Variants in MEF2B observed in about 807,000 individuals in gnomAD.
The protein encoded by MEF2B is myocyte enhancer factor 2B.
In MEF2B, 15 loss-of-function variants were observed where a neutral mutation model predicts 32.2. The observed-to-expected ratio is 0.47, with a 90% CI of 0.31 to 0.72. The LOEUF is 0.72. Ranked by LOEUF, MEF2B falls within the 30% of genes least tolerant of loss-of-function variation. The probability of loss-of-function intolerance (pLI) is 0.05; values close to 1 mark genes in which losing one functional copy is unlikely to be tolerated. For synonymous variants in MEF2B, 205 were observed against 225.6 expected (o/e 0.91, Z 0.82); for missense variants, 441 against 511.5 (o/e 0.86, Z 1.33).
chr19:19,168,688 G>A (rs1337007846), intron 1 of MEF2B, among the ~76,000 whole-genome samples: 7 of 151,584 alleles, frequency 4.6e-5, no homozygotes, highest in Admixed American at 3.3e-4. Context: ...CGAACTCCTC[G>A]GATCAAGTGA....
rs2060026036 is a variant in MEF2B, at chr19:19,146,335, G to T, written c.819C>A (p.Pro273=). 4.1e-6 allele frequency: 5 copies of T among 1,232,090 alleles called. No homozygotes were observed. The highest frequency in any genetic ancestry group is 5.3e-6 in the Non-Finnish European group (5 of 937,924). 76.3% of individuals were successfully genotyped at this position (1,232,090 alleles called of 1,614,324 possible). A position where few individuals can be genotyped will look rare whatever the true frequency, so the allele number is the denominator to read the frequency against. Residue 273 remains proline (P), a synonymous_variant, in exon 8 of 9, where the codon CCC becomes CCA. Coordinates refer to ENST00000424583, the MANE Select transcript of MEF2B (RefSeq NM_001145785.2). ...TCGAGGGCTGCCAGGGGGCCAGGGT[G>T]GGGGGCTGCAACAAGCCAGGGGGCG... The part of the protein sequence containing the change: ...PPPPPGLLQP[P]TLAPWQPSRG...
At position 19,146,795 on chromosome 19, in the gene MEF2B, T is replaced by G. The variant is rs1396181369; in HGVS notation, c.622A>C (p.Arg208=). The part of the protein sequence containing the change: ...PPLYLPTEGR[R]SDLPGGLAGP... ...GCCAGGCCACCAGGCAGGTCTGACC[T>G]CCGCCCTTCCGTCGGCAGGTACAGT... is the stretch of plus-strand genomic sequence containing the variant. Residue 208 remains arginine, a synonymous_variant, in exon 6 of 9, where the codon AGG becomes CGG. Coordinates refer to ENST00000424583, the MANE Select transcript of MEF2B (RefSeq NM_001145785.2). The G allele has an allele frequency of 6.2e-7, 1 of 1,613,894 alleles. No individual in the cohort carries two copies. Among genetic ancestry groups the G allele is most frequent in the Admixed American group, 1.7e-5 (1 of 60,000 alleles).
intron 3 of MEF2B, 131 bp downstream of exon 3, chr19:19,149,095 G>T: frequency 8.3e-7 from 1 of 1,199,952 alleles, no homozygotes; most frequent in Non-Finnish European, 1.2e-6. Context: ...TCTAGGGACA[G>T]CAGAAATAAA....
chr19:19,150,082 T>TA (rs1161588895), intron 2 of MEF2B, among the ~76,000 whole-genome samples: 3 of 30,636 alleles, frequency 9.8e-5, no homozygotes, highest in African/African-American at 1.3e-4. Flanking sequence ...GAACTCCATC[T>TA]CAAAAAAAAA....
At chr19:19,152,222 G>T (rs2060088635) in intron 1 of MEF2B, among the ~76,000 whole-genome samples, 1 of 151,296 alleles carries the variant, frequency 6.6e-6, no homozygotes, top group Admixed American at 6.6e-5. Flanking sequence ...GCCTCCCAAA[G>T]TGTTGGGATT....
At chr19:19,150,829 C>T (rs2060074380) in intron 1 of MEF2B, 65 bp from the exon 2 acceptor site, 3 of 1,573,134 alleles carry the variant, frequency 1.9e-6, no homozygotes, top group Middle Eastern at 1.8e-4. Context: ...ACCCCAGCCT[C>T]ACACCTCTCC....
chr19:19,149,183 G>C, intron 3 of MEF2B, 43 bp downstream of exon 3: 1 of 1,606,734 alleles, frequency 6.2e-7, no homozygotes, highest in South Asian at 1.1e-5. Context: ...AGAAAGCAGC[G>C]TGCACGGGGC....
chr19:19,149,288 G>T lies in MEF2B; in HGVS notation c.196C>A (p.Leu66Met). The T allele has an allele frequency of 6.2e-7, 1 of 1,613,992 alleles. No individual in the cohort carries two copies. Among genetic ancestry groups the T allele is most frequent in the Non-Finnish European group, 8.5e-7 (1 of 1,180,018 alleles). Reference sequence around the variant, plus strand: ...TCGCTGTACTCTGTGTACTTCAGCAGCACACGGTCCATGTCCGTGCTGGCA... The same window carrying T: ...TCGCTGTACTCTGTGTACTTCAGCATCACACGGTCCATGTCCGTGCTGGCA... ...QYASTDMDRV[L>M]LKYTEYSEPH... The change falls in exon 3 of 9, where the codon CTG (leucine) becomes ATG (methionine). Residue 66 changes from leucine (L) to methionine (M), a missense_variant. By Grantham distance (15) the Leu-to-Met change is conservative. Transcript: ENST00000424583.
At chr19:19,153,624 T>C (rs1313540006) in intron 1 of MEF2B, among the ~76,000 whole-genome samples, 2 of 151,948 alleles carry the variant, frequency 1.3e-5, no homozygotes, top group Non-Finnish European at 2.9e-5. Context: ...ACCTCGCTAA[T>C]TTTTGTATTT....
chr19:19,146,444 A>C, intron 7 of MEF2B, 60 bp from the exon 8 acceptor site: 1 of 1,262,022 alleles, frequency 7.9e-7, no homozygotes. Flanking sequence ...CTGCAAACCT[A>C]ACCACCCCCA....
chr19:19,152,736 G>A (rs2060093429), intron 1 of MEF2B, among the ~76,000 whole-genome samples: 1 of 152,222 alleles, frequency 6.6e-6, no homozygotes, highest in African/African-American at 2.4e-5. Context: ...ATTGTTCTCT[G>A]GGAGTGTTCT....
intron 1 of MEF2B, among the ~76,000 whole-genome samples, chr19:19,154,010 C>T (rs1209063535): frequency 2.0e-5 from 3 of 152,116 alleles, no homozygotes; most frequent in Admixed American, 1.3e-4. Flanking sequence ...ACCTCACCCT[C>T]CCAAAGTGCT....
intron 1 of MEF2B, among the ~76,000 whole-genome samples, chr19:19,158,788 T>A (rs558703890): frequency 5.6e-4 from 83 of 148,564 alleles, no homozygotes; most frequent in South Asian, 4.1e-3. Flanking sequence ...ATAAAAAAAT[T>A]TAGCCAGGCG....
intron 1 of MEF2B, among the ~76,000 whole-genome samples, chr19:19,162,584 T>C (rs930030470): frequency 2.0e-5 from 3 of 152,192 alleles, no homozygotes; most frequent in African/African-American, 7.2e-5. Context: ...CTTTTTTCCA[T>C]AGGTCCCTCT....
At chr19:19,149,919 A>G (rs1207414615) in intron 2 of MEF2B, among the ~76,000 whole-genome samples, 1 of 151,334 alleles carries the variant, frequency 6.6e-6, no homozygotes, top group Non-Finnish European at 1.5e-5. Context: ...GACTCTACTA[A>G]AACTACAAAA....
At chr19:19,156,649 C>T (rs67801643) in intron 1 of MEF2B, among the ~76,000 whole-genome samples, 22,724 of 151,974 alleles carry the variant, frequency 0.15, 1,937 homozygotes, top group East Asian at 0.35. Context: ...GGGATCTAGC[C>T]GAGTCACTTT....
intron 1 of MEF2B, among the ~76,000 whole-genome samples, chr19:19,154,082 C>A (rs2060103969): frequency 6.6e-6 from 1 of 151,710 alleles, no homozygotes; most frequent in Admixed American, 6.6e-5. Context: ...TGGAGGAGGG[C>A]TGTGGATTTT....
At chr19:19,146,219 G>T in intron 8 of MEF2B, 54 bp downstream of exon 8, 1 of 893,964 alleles carries the variant, frequency 1.1e-6, no homozygotes, top group Non-Finnish European at 1.6e-6. Flanking sequence ...CCAGGGGTCA[G>T]CAGCGGCCGG....
At chr19:19,160,232 A>G (rs1892674188) in intron 1 of MEF2B, among the ~76,000 whole-genome samples, 2 of 151,974 alleles carry the variant, frequency 1.3e-5, no homozygotes, top group South Asian at 4.1e-4. Context: ...GGCCTCCCAA[A>G]GTGCTGGGAT....
Sources: allele counts gnomAD v4.1 joint callset (sites outside exome capture counted in the v4.1 genomes callset), GRCh38; gene constraint gnomAD v4.1.1; transcripts MANE v1.5; gene names NCBI Gene and HGNC (gene_info 2026-07-23, HGNC 2026-07-21).